Variants in ESRRB observed in about 807,000 individuals in gnomAD.
The protein encoded by ESRRB is estrogen related receptor beta, also known as steroid hormone receptor ERR2.
A neutral mutation model predicts 46.0 loss-of-function variants in ESRRB; 16 were observed. The ratio of observed to expected loss-of-function variants is 0.35; its 90% CI spans 0.24 to 0.53. The LOEUF is 0.53. Among genes scored for constraint, ESRRB ranks in the 20% least tolerant of loss-of-function variants. The pLI, the probability that ESRRB is intolerant of heterozygous loss-of-function variation, is 0.93. For synonymous variants in ESRRB, 246 were observed against 259.6 expected (o/e 0.95, Z 0.50); for missense variants, 488 against 607.4 (o/e 0.80, Z 2.07).
intron 1 of ESRRB, among the ~76,000 whole-genome samples, chr14:76,339,581 G>C (rs1342143473): frequency 3.9e-5 from 6 of 152,196 alleles, no homozygotes; most frequent in Non-Finnish European, 7.3e-5. Context: ...CCCCTGTACA[G>C]CTGTGTGGAC....
intron 1 of ESRRB, among the ~76,000 whole-genome samples, chr14:76,428,424 A>G (rs1887293366): frequency 6.6e-6 from 1 of 152,164 alleles, no homozygotes; most frequent in African/African-American, 2.4e-5. Flanking sequence ...AGGATACTAG[A>G]GGTGAGTTTG....
At chr14:76,366,058 G>T (rs1325680927) in intron 1 of ESRRB, among the ~76,000 whole-genome samples, 1 of 152,110 alleles carries the variant, frequency 6.6e-6, no homozygotes, top group Admixed American at 6.5e-5. Flanking sequence ...AAATGCCAGC[G>T]TTCTCAGGAA....
At position 76,425,918 on chromosome 14, in the gene ESRRB, C is replaced by T. The variant is rs369231203; in HGVS notation, c.51-13423C>T. On this transcript the variant is annotated intron_variant, in intron 1 of 6. Transcript: ENST00000644823. ...TTGGGAGCCTCAGCCTCCCAAAGTG[C>T]TGGGATTACAGGTGTGAGCCACCAC... is the stretch of plus-strand genomic sequence containing the variant. Among the ~76,000 whole-genome samples the T allele has an allele frequency of 3.0e-4, 45 of 152,252 alleles. No homozygotes were observed. In the South Asian group the frequency reaches 9.3e-3, roughly 32 times the overall value.
chr14:76,358,376 A>G (rs1285350902), intron 1 of ESRRB, among the ~76,000 whole-genome samples: 1 of 105,898 alleles, frequency 9.4e-6, no homozygotes. Flanking sequence ...AGAAAGAAAG[A>G]AAGAAAGAAA....
chr14:76,409,371 T>C (rs959125134), intron 1 of ESRRB, among the ~76,000 whole-genome samples: 2 of 152,008 alleles, frequency 1.3e-5, no homozygotes, highest in African/African-American at 4.8e-5. Flanking sequence ...AAAGAGCAGT[T>C]GAGGCTGGAG....
At chr14:76,447,567 G>A (rs1194163890) in intron 2 of ESRRB, among the ~76,000 whole-genome samples, 1 of 152,060 alleles carries the variant, frequency 6.6e-6, no homozygotes, top group Non-Finnish European at 1.5e-5. Flanking sequence ...TGCCCCAGAA[G>A]CACCCCAGTT....
intron 2 of ESRRB, among the ~76,000 whole-genome samples, chr14:76,448,642 T>C (rs1243374802): frequency 6.6e-6 from 1 of 152,054 alleles, no homozygotes; most frequent in African/African-American, 2.4e-5. Context: ...AGCCCACATT[T>C]ACTTCGATTT....
chr14:76,324,322 T>C (rs1883902581), intron 1 of ESRRB, among the ~76,000 whole-genome samples: 1 of 152,086 alleles, frequency 6.6e-6, no homozygotes, highest in Admixed American at 6.5e-5. Context: ...GGGAGTAGAC[T>C]CCTAGGCCCT....
rs1405214424 is a variant in ESRRB, at chr14:76,310,979, TC to T, written c.2+64del. 20 of 43,280 alleles carry T rather than the reference TC, an allele frequency of 4.6e-4. 1 individual carries two copies. The highest frequency in any genetic ancestry group is 2.4e-3 in the East Asian group (4 of 1,698). The allele number at this position is 43,280 out of a possible 1,614,324, so 2.7% of individuals were successfully genotyped here. On this transcript the variant is annotated intron_variant, in intron 1 of 6. Coordinates refer to the ESRRB transcript ENST00000512784. The stretch of plus-strand genomic sequence containing the variant: ...TCTGCGGGTCCTTTTCTGTCCCCTT[TC>T]TCTCTCTCTCTCTCTCTCTCTCTCT...
intron 1 of ESRRB, among the ~76,000 whole-genome samples, chr14:76,384,781 A>C (rs1197378766): frequency 6.6e-6 from 1 of 152,144 alleles, no homozygotes; most frequent in Admixed American, 6.5e-5. Flanking sequence ...GCGCATGTGA[A>C]TATCTGGGAG....
chr14:76,407,623 G>T, intron 1 of ESRRB: 1 of 983,986 alleles, frequency 1.0e-6, no homozygotes, highest in East Asian at 1.1e-4. Context: ...CGGGCCAGCA[G>T]GGCCACATGG....
chr14:76,348,776 C>T (rs761362398), intron 1 of ESRRB, among the ~76,000 whole-genome samples: 13 of 152,146 alleles, frequency 8.5e-5, no homozygotes, highest in East Asian at 3.9e-4. Context: ...GGGTGCCACC[C>T]GGGGCTTTGG....
intron 1 of ESRRB, among the ~76,000 whole-genome samples, chr14:76,436,617 C>G (rs931804712): frequency 6.6e-6 from 1 of 152,172 alleles, no homozygotes; most frequent in East Asian, 1.9e-4. Context: ...TGGAAGGGTG[C>G]CTGAGGAGCA....
intron 1 of ESRRB, among the ~76,000 whole-genome samples, chr14:76,362,072 G>A (rs942457313): frequency 6.6e-6 from 1 of 152,178 alleles, no homozygotes; most frequent in African/African-American, 2.4e-5. Flanking sequence ...GATGGTTACA[G>A]GGAAGAAGAT....
intron 5 of ESRRB, among the ~76,000 whole-genome samples, chr14:76,490,090 T>C (rs956019664): frequency 6.6e-6 from 1 of 152,310 alleles, no homozygotes; most frequent in East Asian, 1.9e-4. Flanking sequence ...AAGTAGAAAG[T>C]CCTTCCTAGG....
At chr14:76,311,342 G>A (rs1443374472) in intron 1 of ESRRB, among the ~76,000 whole-genome samples, 5 of 152,192 alleles carry the variant, frequency 3.3e-5, no homozygotes, top group African/African-American at 7.2e-5. Flanking sequence ...GGGCAAGCTG[G>A]GGAAGGTTAC....
At chr14:76,366,514 A>G (rs1402738458), upstream of ESRRB, among the ~76,000 whole-genome samples, 1 of 152,200 alleles carries the variant, frequency 6.6e-6, no homozygotes, top group Non-Finnish European at 1.5e-5. Flanking sequence ...GTGATATAAT[A>G]GACTCTTACC....
intron 1 of ESRRB, among the ~76,000 whole-genome samples, chr14:76,361,968 A>G (rs1884470075): frequency 6.6e-6 from 1 of 152,204 alleles, no homozygotes; most frequent in Admixed American, 6.5e-5. Flanking sequence ...GAGCTGTCAC[A>G]GTAACAAGGT....
chr14:76,372,794 T>C (rs1261917563), upstream of ESRRB, among the ~76,000 whole-genome samples: 2 of 152,180 alleles, frequency 1.3e-5, no homozygotes, highest in Non-Finnish European at 1.5e-5. Flanking sequence ...ATCATGCCAC[T>C]GCACTCTAGC....
Sources: allele counts gnomAD v4.1 joint callset (sites outside exome capture counted in the v4.1 genomes callset), GRCh38; gene constraint gnomAD v4.1.1; transcripts MANE v1.5; gene names NCBI Gene and HGNC (gene_info 2026-07-23, HGNC 2026-07-21).